Variants in RTN4R observed in about 807,000 individuals in gnomAD.
RTN4R encodes reticulon-4 receptor.
In RTN4R, 4 loss-of-function variants were observed where a neutral mutation model predicts 27.7. That is an observed-to-expected ratio of 0.14 (90% CI 0.07 to 0.33). The LOEUF (loss-of-function observed/expected upper bound fraction) is 0.33, where lower values mean the gene tolerates loss of function less well. Among genes scored for constraint, RTN4R ranks in the 10% least tolerant of loss-of-function variants. The probability of loss-of-function intolerance (pLI) is 1.00; values close to 1 mark genes in which losing one functional copy is unlikely to be tolerated. For synonymous variants in RTN4R, 290 were observed against 305.6 expected (o/e 0.95, Z 0.53); for missense variants, 554 against 671.5 (o/e 0.83, Z 1.93).
chr22:20,241,838 C>T lies in RTN4R; in HGVS notation c.1295G>A (p.Gly432Asp). 1.9e-6 allele frequency: 3 copies of T among 1,606,192 alleles called. No individual in the cohort carries two copies. The highest frequency in any genetic ancestry group is 2.5e-6 in the Non-Finnish European group (3 of 1,177,176). Reference sequence around the variant, plus strand: ...CCCGCCACCCCCGCTGCCTGCCTGGCCCAGACGGCAGTGGCTGCGGGTGCG... The same window carrying T: ...CCCGCCACCCCCGCTGCCTGCCTGGTCCAGACGGCAGTGGCTGCGGGTGCG... ...KNRTRSHCRL[G>D]QAGSGGGGTG... The change falls in exon 2 of 2, where the codon GGC (glycine) becomes GAC (aspartate). Residue 432 changes from glycine to aspartate, a missense_variant. By Grantham distance (94) the Gly-to-Asp change is moderately conservative (BLOSUM62 -1). Coordinates refer to ENST00000043402, the MANE Select transcript of RTN4R (RefSeq NM_023004.6).
intron 1 of RTN4R, among the ~76,000 whole-genome samples, chr22:20,251,988 CCATCAT>C (rs1268372345): frequency 1.3e-3 from 11 of 8,444 alleles, no homozygotes; most frequent in South Asian, 8.3e-3. Context: ...ATCACCATCA[CCATCAT>C]CACCATCCTC....
chr22:20,256,334 T>C (rs2145980955), intron 1 of RTN4R, among the ~76,000 whole-genome samples: 1 of 152,298 alleles, frequency 6.6e-6, no homozygotes, highest in African/African-American at 2.4e-5. Flanking sequence ...CATACTGCAT[T>C]CATCCCCCCA....
At position 20,241,493 on chromosome 22, in the gene RTN4R, G is replaced by A. The variant is rs1245122675; in HGVS notation, c.*218C>T. The A allele has an allele frequency of 3.9e-5, 23 of 594,288 alleles. No homozygotes were observed. Among genetic ancestry groups the A allele is most frequent in the South Asian group, 8.1e-5 (4 of 49,488 alleles). 36.8% of individuals were successfully genotyped at this position (594,288 alleles called of 1,614,324 possible). On this transcript the variant is annotated 3_prime_UTR_variant, in exon 2 of 2. Coordinates refer to ENST00000043402, the MANE Select transcript of RTN4R (RefSeq NM_023004.6). ...TAAAATGCATATCTCTATATACCGC[G>A]ATCTGGGTGGGAGGCGGCGTTCTGG...
At position 20,251,939 on chromosome 22, in the gene RTN4R, G is replaced by C. The variant is rs1227816336; in HGVS notation, c.23-8829C>G. ...CTTATCACCATCATCATCCCCAGGCGACCAGAGCAGCACCATCCTTATCCT... is the reference window on the plus strand; with the variant it reads ...CTTATCACCATCATCATCCCCAGGCCACCAGAGCAGCACCATCCTTATCCT... On this transcript the variant is annotated intron_variant, in intron 1 of 1. Transcript: ENST00000043402. Among the ~76,000 whole-genome samples the C allele has an allele frequency of 9.6e-3, 2 of 208 alleles. 1 individual carries two copies. The highest frequency in any genetic ancestry group is 0.021 in the Non-Finnish European group (2 of 96). 0.1% of individuals were successfully genotyped at this position (208 alleles called of 152,430 possible).
chr22:20,241,880 C>A lies in RTN4R; in HGVS notation c.1253G>T (p.Gly418Val), dbSNP rs1414875326. 1.9e-6 allele frequency: 3 copies of A among 1,607,746 alleles called. No individual in the cohort carries two copies. Among genetic ancestry groups the A allele is most frequent in the Non-Finnish European group, 2.5e-6 (3 of 1,177,644 alleles). Reference sequence around the variant, plus strand: ...GCGGGTGCGGTTCTTGCGTGAACAGCCTGGCCTCCGGCGAGGGCCCGAGGT... The same window carrying A: ...GCGGGTGCGGTTCTTGCGTGAACAGACTGGCCTCCGGCGAGGGCCCGAGGT... ...FPTSGPRRRP[G>V]CSRKNRTRSH... The change falls in exon 2 of 2, where the codon GGC (glycine) becomes GTC (valine). Residue 418 changes from glycine to valine, a missense_variant. Gly to Val is a moderately radical substitution (Grantham distance 109). Transcript: ENST00000043402.
At chr22:20,267,052 G>A (rs2051281855) in intron 1 of RTN4R, among the ~76,000 whole-genome samples, 1 of 152,258 alleles carries the variant, frequency 6.6e-6, no homozygotes, top group African/African-American at 2.4e-5. Flanking sequence ...TGCCACCCGT[G>A]GAGACCACAG....
At chr22:20,259,623 C>T (rs549872887) in intron 1 of RTN4R, among the ~76,000 whole-genome samples, 104 of 152,310 alleles carry the variant, frequency 6.8e-4, no homozygotes, top group Non-Finnish European at 1.3e-3. Flanking sequence ...CCAAGCATCT[C>T]ACCCGGGCAG....
chr22:20,266,715 A>T (rs2051279050), intron 1 of RTN4R, among the ~76,000 whole-genome samples: 1 of 152,184 alleles, frequency 6.6e-6, no homozygotes, highest in South Asian at 2.1e-4. Context: ...GCGGTATTCA[A>T]CGAGCCCCCA....
intron 1 of RTN4R, among the ~76,000 whole-genome samples, chr22:20,257,402 G>A (rs977936878): frequency 6.6e-6 from 1 of 152,186 alleles, no homozygotes; most frequent in Non-Finnish European, 1.5e-5. Context: ...ACAAGGCTGG[G>A]GCCCTCACCA....
intron 1 of RTN4R, among the ~76,000 whole-genome samples, chr22:20,246,541 T>C (rs372096698): frequency 1.1e-4 from 16 of 151,882 alleles, no homozygotes; most frequent in Middle Eastern, 6.8e-3. Flanking sequence ...GCTCTGGGGA[T>C]ATGCCCAGCC....
In RTN4R at chr22:20,243,555, C is replaced by T. The variant is rs115511482; in HGVS notation, c.23-445G>A. On this transcript the variant is annotated intron_variant, in intron 1 of 1. Transcript: ENST00000043402. Reference sequence around the variant, plus strand: ...GAAACACTGCAATGGGGCTGGGGTCCCTCTGGGCACGTCTATCTCAAAAAC... The same window carrying T: ...GAAACACTGCAATGGGGCTGGGGTCTCTCTGGGCACGTCTATCTCAAAAAC... The T allele has an allele frequency of 4.3e-3, 1,951 of 452,134 alleles. 34 individuals carry two copies. Among genetic ancestry groups the T allele is most frequent in the African/African-American group, 0.031 (1,556 of 49,550 alleles). 28.0% of individuals were successfully genotyped at this position (452,134 alleles called of 1,614,324 possible).
chr22:20,259,447 C>G (rs552020534), intron 1 of RTN4R, among the ~76,000 whole-genome samples: 1 of 152,150 alleles, frequency 6.6e-6, no homozygotes, highest in South Asian at 2.1e-4. Context: ...CAGCCGGGTG[C>G]GCAGGGCCCA....
intron 1 of RTN4R, among the ~76,000 whole-genome samples, chr22:20,251,286 A>G (rs1285517063): frequency 2.6e-5 from 4 of 152,306 alleles, no homozygotes; most frequent in Middle Eastern, 3.4e-3. Flanking sequence ...GGATCTTCAC[A>G]GTTAATAACA....
intron 1 of RTN4R, among the ~76,000 whole-genome samples, chr22:20,253,440 T>C (rs1209556775): frequency 6.6e-6 from 1 of 151,968 alleles, no homozygotes. Flanking sequence ...CCCACCGAAA[T>C]GAGGGTGATG....
chr22:20,241,476 A>C lies in RTN4R; in HGVS notation c.*235T>G. 1.7e-6 allele frequency: 1 copy of C among 578,908 alleles called. No individual in the cohort carries two copies. Among genetic ancestry groups the C allele is most frequent in the Non-Finnish European group, 3.1e-6 (1 of 325,468 alleles). The allele number at this position is 578,908 out of a possible 1,614,324, so 35.9% of individuals were successfully genotyped here. On this transcript the variant is annotated 3_prime_UTR_variant, in exon 2 of 2. Coordinates refer to ENST00000043402, the MANE Select transcript of RTN4R (RefSeq NM_023004.6). ...TTTTTACACAAGTAAAATAAAATGC[A>C]TATCTCTATATACCGCGATCTGGGT...
chr22:20,248,854 C>T (rs771901971), intron 1 of RTN4R, among the ~76,000 whole-genome samples: 3 of 152,156 alleles, frequency 2.0e-5, no homozygotes, highest in South Asian at 2.1e-4. Flanking sequence ...ACCTAGGCCT[C>T]GAGGATTCAT....
intron 1 of RTN4R, among the ~76,000 whole-genome samples, chr22:20,262,155 G>C (rs974995024): frequency 9.2e-5 from 14 of 152,216 alleles, no homozygotes; most frequent in African/African-American, 3.4e-4. Context: ...TTGCCTTTGG[G>C]GATGGGTCGA....
chr22:20,258,851 G>A (rs1000997939), intron 1 of RTN4R, among the ~76,000 whole-genome samples: 1 of 152,196 alleles, frequency 6.6e-6, no homozygotes, highest in Non-Finnish European at 1.5e-5. Context: ...TGGTTGGGGT[G>A]GCTTCCCGGA....
intron 1 of RTN4R, among the ~76,000 whole-genome samples, chr22:20,257,500 C>T (rs1272754255): frequency 1.3e-5 from 2 of 152,176 alleles, no homozygotes; most frequent in Non-Finnish European, 2.9e-5. Context: ...CACGTGAGGG[C>T]ACGGTAAGGA....
Sources: allele counts gnomAD v4.1 joint callset (sites outside exome capture counted in the v4.1 genomes callset), GRCh38; gene constraint gnomAD v4.1.1; transcripts MANE v1.5; gene names NCBI Gene and HGNC (gene_info 2026-07-23, HGNC 2026-07-21).